POLA1: variants seen among roughly 807,000 people sequenced by gnomAD.
POLA1 encodes DNA polymerase alpha 1, catalytic subunit, also known as DNA polymerase alpha catalytic subunit.
POLA1 carries 15 observed loss-of-function variants against 124.0 expected under a neutral mutation model. The ratio of observed to expected loss-of-function variants is 0.12; its 90% CI spans 0.08 to 0.19. POLA1 has a LOEUF of 0.19. POLA1 is among the 10% of genes least tolerant of loss of function. POLA1 has a pLI of 1.00. For synonymous variants in POLA1, 408 were observed against 389.4 expected (o/e 1.05, Z -0.56); for missense variants, 886 against 1,103.4 (o/e 0.80, Z 2.79).
intron 35 of POLA1, among the ~76,000 whole-genome samples, chrX:24,918,349 A>G (rs747470117): frequency 1.8e-5 from 2 of 112,073 alleles, no homozygotes; most frequent in Non-Finnish European, 3.8e-5. Flanking sequence ...TTTGTTTCAT[A>G]GTAGCTTATA....
chrX:24,920,273 C>A (rs1042350093), intron 35 of POLA1, among the ~76,000 whole-genome samples: 2 of 111,824 alleles, frequency 1.8e-5, no homozygotes, highest in Non-Finnish European at 3.8e-5. Context: ...GTCCCTAGCA[C>A]AACAATGGTA....
rs1418596280 is a variant in POLA1, at chrX:24,806,921, A to G, written c.2965-2977A>G. Reference sequence around the variant, plus strand: ...TTAGAAAAGAATAAGGCAGCTCTTTATGTGTGAATTTGAAATAACCTCTAG... The same window carrying G: ...TTAGAAAAGAATAAGGCAGCTCTTTGTGTGTGAATTTGAAATAACCTCTAG... On this transcript the variant is annotated intron_variant, in intron 26 of 36. Transcript: ENST00000379068. Among the ~76,000 whole-genome samples the G allele has an allele frequency of 2.7e-5, 3 of 112,032 alleles. No individual in the cohort carries two copies. The Admixed American group carries it at 2.8e-4, about 11-fold the overall frequency.
At chrX:24,882,685 G>GT (rs1569349013) in intron 34 of POLA1, among the ~76,000 whole-genome samples, 1 of 5,588 alleles carries the variant, frequency 1.8e-4, no homozygotes, top group East Asian at 5.0e-3. Flanking sequence ...ATATTCCATG[G>GT]TGTGTGTGTG....
At chrX:24,723,766 C>T (rs777260934) in intron 11 of POLA1, among the ~76,000 whole-genome samples, 8 of 112,530 alleles carry the variant, frequency 7.1e-5, no homozygotes, top group African/African-American at 1.6e-4. Context: ...CTGCAACCTC[C>T]GCCTTCTGGG....
intron 35 of POLA1, among the ~76,000 whole-genome samples, chrX:24,895,512 T>C (rs181560641): frequency 8.9e-6 from 1 of 112,700 alleles, no homozygotes; most frequent in Non-Finnish European, 1.9e-5. Flanking sequence ...TCAATACTCT[T>C]GCTTGCATTT....
At chrX:24,910,145 A>G (rs749912274) in intron 35 of POLA1, among the ~76,000 whole-genome samples, 574 of 102,657 alleles carry the variant, frequency 5.6e-3, no homozygotes, top group Non-Finnish European at 9.9e-3. Flanking sequence ...GGCTGAGACA[A>G]TGGGGTTTTC....
chrX:24,981,124 A>G (rs766702201), intron 36 of POLA1, among the ~76,000 whole-genome samples: 7 of 111,998 alleles, frequency 6.3e-5, no homozygotes, highest in Non-Finnish European at 1.3e-4. Flanking sequence ...GTTTATAGCT[A>G]TGCTACGTTA....
chrX:24,730,781 G>A (rs1930859025), intron 15 of POLA1, among the ~76,000 whole-genome samples: 1 of 112,343 alleles, frequency 8.9e-6, no homozygotes, highest in African/African-American at 3.2e-5. Context: ...TCAGATCCAT[G>A]AGTTCATAAT....
At chrX:24,915,371 A>G (rs1052564627) in intron 35 of POLA1, among the ~76,000 whole-genome samples, 2 of 112,239 alleles carry the variant, frequency 1.8e-5, no homozygotes, top group African/African-American at 6.5e-5. Context: ...GTTGAAGAGC[A>G]TAAATCTCTA....
At chrX:24,951,349 C>T (rs967517226) in intron 36 of POLA1, among the ~76,000 whole-genome samples, 7 of 59,872 alleles carry the variant, frequency 1.2e-4, no homozygotes, top group Non-Finnish European at 2.4e-4. Context: ...CCCTACCCCC[C>T]CCCCCCCCCA....
intron 36 of POLA1, among the ~76,000 whole-genome samples, chrX:24,967,864 C>G (rs753272903): frequency 9.0e-6 from 1 of 111,342 alleles, no homozygotes; most frequent in South Asian, 3.9e-4. Flanking sequence ...AAGCACCACC[C>G]CAGGTCACAA....
At chrX:24,814,312 T>C in intron 29 of POLA1, among the ~76,000 whole-genome samples, 1 of 112,520 alleles carries the variant, frequency 8.9e-6, no homozygotes, top group East Asian at 2.8e-4. Context: ...GCTGTCAAAC[T>C]CTCGCTCTGC....
At chrX:24,879,268 TCCTTTC>T (rs1327787018) in intron 34 of POLA1, among the ~76,000 whole-genome samples, 1 of 111,705 alleles carries the variant, frequency 9.0e-6, no homozygotes, top group Non-Finnish European at 1.9e-5. Flanking sequence ...GATTCTTTCC[TCCTTTC>T]CCTTGTTGAA....
intron 26 of POLA1, among the ~76,000 whole-genome samples, chrX:24,759,491 T>C: frequency 8.9e-6 from 1 of 111,929 alleles, no homozygotes; most frequent in East Asian, 2.8e-4. Context: ...TCTGTAGTTA[T>C]AGATGGGTAG....
intron 34 of POLA1, among the ~76,000 whole-genome samples, chrX:24,847,602 C>G (rs772923351): frequency 1.8e-5 from 2 of 112,009 alleles, no homozygotes; most frequent in African/African-American, 6.5e-5. Flanking sequence ...CTGATAGTTG[C>G]TAGGGCCAGA....
chrX:24,877,916 T>G (rs778750345), intron 34 of POLA1, among the ~76,000 whole-genome samples: 6 of 5,492 alleles, frequency 1.1e-3, no homozygotes, highest in African/African-American at 1.9e-3. Context: ...TTTTTTTTTG[T>G]TTTTTTTTTT....
chrX:24,874,369 A>G (rs756615349), intron 34 of POLA1, among the ~76,000 whole-genome samples: 1 of 112,179 alleles, frequency 8.9e-6, no homozygotes, highest in Admixed American at 9.5e-5. Context: ...AGCTATGTAC[A>G]TGATGTAAAC....
chrX:24,730,336 C>T (rs996458482), intron 15 of POLA1, among the ~76,000 whole-genome samples: 4 of 110,294 alleles, frequency 3.6e-5, no homozygotes, highest in Admixed American at 1.9e-4. Context: ...CTCTGTCTCC[C>T]GGGTTCAAGT....
At chrX:24,866,109 T>C (rs930268218) in intron 34 of POLA1, among the ~76,000 whole-genome samples, 59 of 112,268 alleles carry the variant, frequency 5.3e-4, no homozygotes, top group Non-Finnish European at 7.5e-5. Context: ...TTTACTATTA[T>C]TGATTGAAGA....
Sources: gnomAD v4.1 joint callset for allele counts (sites outside exome capture counted in the v4.1 genomes callset) on GRCh38, gnomAD v4.1.1 for gene constraint, MANE v1.5 for transcripts, NCBI Gene and HGNC (gene_info 2026-07-23, HGNC 2026-07-21) for gene names.